GFRA1: variants seen among roughly 807,000 people sequenced by gnomAD.
GFRA1 encodes GDNF family receptor alpha-1.
A neutral mutation model predicts 51.6 loss-of-function variants in GFRA1; 16 were observed. That is an observed-to-expected ratio of 0.31 (90% CI 0.21 to 0.47). The LOEUF (loss-of-function observed/expected upper bound fraction) is 0.47. Ranked by LOEUF, GFRA1 falls within the 20% of genes least tolerant of loss-of-function variation. The pLI is 1.00. For missense variants in GFRA1, 530 were observed against 594.3 expected (o/e 0.89, Z 1.13); for synonymous variants, 270 against 241.3 (o/e 1.12, Z -1.10).
intron 4 of GFRA1, among the ~76,000 whole-genome samples, chr10:116,228,715 G>A (rs1448658349): frequency 6.6e-6 from 1 of 151,762 alleles, no homozygotes; most frequent in African/African-American, 2.4e-5. Flanking sequence ...GGGCACGGTG[G>A]CTCACGCCTG....
At chr10:116,116,875 C>CT (rs1957431383) in intron 6 of GFRA1, among the ~76,000 whole-genome samples, 1 of 152,174 alleles carries the variant, frequency 6.6e-6, no homozygotes, top group Non-Finnish European at 1.5e-5. Context: ...TAAAAACTGT[C>CT]TTTAACACTG....
intron 5 of GFRA1, among the ~76,000 whole-genome samples, chr10:116,189,605 T>A (rs983695961): frequency 6.6e-6 from 1 of 152,210 alleles, no homozygotes; most frequent in Non-Finnish European, 1.5e-5. Context: ...AATTATTACA[T>A]AAACAGGTTC....
chr10:116,116,299 A>G (rs942395896), intron 6 of GFRA1, among the ~76,000 whole-genome samples: 6 of 152,244 alleles, frequency 3.9e-5, no homozygotes, highest in African/African-American at 1.4e-4. Context: ...TGATTAACAT[A>G]ATGGCCACAA....
At position 116,123,198 on chromosome 10, in the gene GFRA1, C is replaced by G. The variant is rs542482090; in HGVS notation, c.770+2023G>C. On this transcript the variant is annotated intron_variant, in intron 6 of 10. Coordinates refer to ENST00000355422, the MANE Select transcript of GFRA1 (RefSeq NM_005264.8). Reference sequence around the variant, plus strand: ...TTCCTGGCTTGCTGAGGCTCTGCCTCTTTCTCAGGACCCTTCTGGCACACC... The same window carrying G: ...TTCCTGGCTTGCTGAGGCTCTGCCTGTTTCTCAGGACCCTTCTGGCACACC... Among the ~76,000 whole-genome samples the G allele has an allele frequency of 1.1e-4, 16 of 152,338 alleles. No individual in the cohort carries two copies. In the South Asian group the frequency reaches 3.3e-3, roughly 32 times the overall value.
At chr10:116,121,041 G>A (rs2134005928) in intron 6 of GFRA1, among the ~76,000 whole-genome samples, 1 of 152,314 alleles carries the variant, frequency 6.6e-6, no homozygotes, top group East Asian at 1.9e-4. Flanking sequence ...GCATGCCCAA[G>A]GGGAAGGTGC....
intron 5 of GFRA1, among the ~76,000 whole-genome samples, chr10:116,128,491 C>G (rs1304633560): frequency 6.6e-6 from 1 of 152,000 alleles, no homozygotes; most frequent in African/African-American, 2.4e-5. Context: ...TCTGAGAGGC[C>G]GAGGTGGACC....
intron 5 of GFRA1, among the ~76,000 whole-genome samples, chr10:116,179,407 C>T (rs531806358): frequency 6.6e-5 from 10 of 152,260 alleles, no homozygotes; most frequent in Non-Finnish European, 1.2e-4. Context: ...AGTTTTCTGA[C>T]CAGTGTGCCA....
chr10:116,261,238 A>G (rs1969278826), intron 4 of GFRA1, among the ~76,000 whole-genome samples: 1 of 152,142 alleles, frequency 6.6e-6, no homozygotes, highest in African/African-American at 2.4e-5. Flanking sequence ...ACAAGCAAAC[A>G]CCTAATTTTA....
At chr10:116,173,341 G>A (rs961453459) in intron 5 of GFRA1, among the ~76,000 whole-genome samples, 1 of 152,114 alleles carries the variant, frequency 6.6e-6, no homozygotes, top group Non-Finnish European at 1.5e-5. Context: ...AGGCTGTGTT[G>A]ATTGGAGGGT....
At chr10:116,247,459 T>C (rs1272923403) in intron 4 of GFRA1, among the ~76,000 whole-genome samples, 1 of 152,242 alleles carries the variant, frequency 6.6e-6, no homozygotes, top group Non-Finnish European at 1.5e-5. Flanking sequence ...CTCATTAGTT[T>C]TGGAACAAAC....
intron 4 of GFRA1, among the ~76,000 whole-genome samples, chr10:116,266,328 A>G (rs1028102243): frequency 1.3e-5 from 2 of 152,226 alleles, no homozygotes; most frequent in African/African-American, 4.8e-5. Context: ...TGGCTTCCTC[A>G]GATAAATTTT....
intron 5 of GFRA1, among the ~76,000 whole-genome samples, chr10:116,156,550 C>T (rs1337371462): frequency 3.9e-5 from 6 of 152,186 alleles, no homozygotes; most frequent in African/African-American, 1.4e-4. Context: ...TGTTATCCAT[C>T]CCCACTCATT....
At chr10:116,182,679 G>A (rs573416360) in intron 5 of GFRA1, among the ~76,000 whole-genome samples, 97 of 152,302 alleles carry the variant, frequency 6.4e-4, no homozygotes, top group South Asian at 3.5e-3. Context: ...TTCTAGAAGC[G>A]CTAGAAATCC....
chr10:116,267,356 C>T (rs2134802092), intron 4 of GFRA1, among the ~76,000 whole-genome samples: 2 of 152,102 alleles, frequency 1.3e-5, no homozygotes, highest in South Asian at 4.2e-4. Context: ...ATCCCAGCTA[C>T]TCGGGAGGCT....
At chr10:116,090,591 C>T (rs1297522707) in intron 8 of GFRA1, among the ~76,000 whole-genome samples, 2 of 151,982 alleles carry the variant, frequency 1.3e-5, no homozygotes, top group Non-Finnish European at 2.9e-5. Flanking sequence ...AAATGTAAAA[C>T]TTCAAAAGCT....
chr10:116,166,034 T>A (rs1282196501), intron 5 of GFRA1, among the ~76,000 whole-genome samples: 3 of 152,218 alleles, frequency 2.0e-5, no homozygotes, highest in Non-Finnish European at 4.4e-5. Context: ...CACTTACAAG[T>A]GAGAACATGC....
rs1177094169 is a variant in GFRA1 at position 116,272,121 on chromosome 10, G to A, written c.-92C>T. 6.4e-6 allele frequency: 7 copies of A among 1,096,306 alleles called. No individual in the cohort carries two copies. The highest frequency in any genetic ancestry group is 2.7e-5 in the South Asian group (2 of 75,034). 67.9% of individuals were successfully genotyped at this position (1,096,306 alleles called of 1,614,324 possible). On this transcript the variant is annotated 5_prime_UTR_variant, in exon 2 of 11. Coordinates refer to ENST00000355422, the MANE Select transcript of GFRA1 (RefSeq NM_005264.8). The surrounding 1 kb of genome is among the most constrained non-coding windows in gnomAD (Gnocchi z 4.4). ...GGGAGCTCAGCGTGCAGCGATCCCC[G>A]GACAGCTGTGCTGCTCTGGCCGCCC...
At chr10:116,212,597 CACTA>C (rs952051170) in intron 4 of GFRA1, among the ~76,000 whole-genome samples, 5 of 151,686 alleles carry the variant, frequency 3.3e-5, no homozygotes, top group East Asian at 1.9e-4. Flanking sequence ...AACAAGCAGT[CACTA>C]ACTACCACCC....
chr10:116,198,932 T>C (rs1964112693), intron 5 of GFRA1, among the ~76,000 whole-genome samples: 1 of 152,158 alleles, frequency 6.6e-6, no homozygotes, highest in Non-Finnish European at 1.5e-5. Context: ...AAATGACTGG[T>C]GTCCTCATAA....
Sources: gnomAD v4.1 joint callset for allele counts (sites outside exome capture counted in the v4.1 genomes callset) on GRCh38, gnomAD v4.1.1 for gene constraint, Gnocchi (gnomAD v3.1) non-coding constraint, MANE v1.5 for transcripts, NCBI Gene and HGNC (gene_info 2026-07-23, HGNC 2026-07-21) for gene names.